SS18L1: variants seen among roughly 807,000 people sequenced by gnomAD.
The protein encoded by SS18L1 is SS18L1 subunit of BAF chromatin remodeling complex, also known as calcium-responsive transactivator.
A neutral mutation model predicts 70.3 loss-of-function variants in SS18L1; 32 were observed. The observed-to-expected ratio is 0.46, with a 90% CI of 0.34 to 0.61. The LOEUF is 0.61. Ranked by LOEUF, SS18L1 falls within the 20% of genes least tolerant of loss-of-function variation. The pLI, the probability that SS18L1 is intolerant of heterozygous loss-of-function variation, is 0.01. For missense variants in SS18L1, 430 were observed against 542.1 expected, an observed-to-expected ratio of 0.79 and a Z score of 2.05; for synonymous variants, 237 against 229.7, an observed-to-expected ratio of 1.03 and a Z score of -0.29.
rs183910759 is a variant in SS18L1, at chr20:62,154,093, C to T, written c.70-4579C>T. 4.5e-3 allele frequency among the ~76,000 whole-genome samples: 692 copies of T among 152,242 alleles called. 9 individuals carry two copies. The highest frequency in any genetic ancestry group is 2.4e-3 in the Non-Finnish European group (162 of 68,028). ...TTTGCTGCCAACGAGGACATGACGC[C>T]GTACAAAGATTGAAACGGGGGAGCT... On this transcript the variant is annotated intron_variant, in intron 1 of 10. Transcript: ENST00000331758.
chr20:62,175,038 T>C, intron 10 of SS18L1: 8 of 751,428 alleles, frequency 1.1e-5, no homozygotes, highest in Non-Finnish European at 1.3e-5. Context: ...AGGGCCAGAC[T>C]GTGCTGAGGA....
At chr20:62,162,448 C>T (rs1182183595) in intron 4 of SS18L1, 5 of 278,646 alleles carry the variant, frequency 1.8e-5, no homozygotes, top group Non-Finnish European at 2.7e-5. Context: ...ATTATAGGCA[C>T]GTGCCACCAC....
chr20:62,167,678 G>T (rs1257935070), intron 8 of SS18L1, among the ~76,000 whole-genome samples: 1 of 152,228 alleles, frequency 6.6e-6, no homozygotes, highest in African/African-American at 2.4e-5. Flanking sequence ...GCCTGGCCCT[G>T]TCCCTTCCAG....
chr20:62,176,933 G>C (rs913307400), intron 10 of SS18L1, among the ~76,000 whole-genome samples: 1 of 152,262 alleles, frequency 6.6e-6, no homozygotes, highest in African/African-American at 2.4e-5. Context: ...TGGCGCTTTG[G>C]CACAGCACTG....
intron 1 of SS18L1, among the ~76,000 whole-genome samples, chr20:62,154,821 C>T (rs528217102): frequency 1.3e-5 from 2 of 152,304 alleles, no homozygotes; most frequent in South Asian, 2.1e-4. Flanking sequence ...CTTCACTGCT[C>T]CTGTCTCTGG....
In SS18L1 at chr20:62,172,718, AGCAGGGTGCCGC is replaced by A; in HGVS notation, c.958_969del (p.Gly320_Gln323del). ...TACAGCCAGCAGCAGGCCGGGTACC[AGCAGGGTGCCGC>A]GCAGCAGCAGACGTACTCCCAGCAG... On this transcript the variant is annotated inframe_deletion, in exon 9 of 11. Transcript: ENST00000331758. The A allele has an allele frequency of 6.2e-7, 1 of 1,614,124 alleles. No individual in the cohort carries two copies. Among genetic ancestry groups the A allele is most frequent in the Non-Finnish European group, 8.5e-7 (1 of 1,180,026 alleles).
chr20:62,163,610 C>T lies in SS18L1; in HGVS notation c.709C>T (p.Pro237Ser). The T allele has an allele frequency of 6.3e-7, 1 of 1,594,522 alleles. No homozygotes were observed. The highest frequency in any genetic ancestry group is 8.5e-7 in the Non-Finnish European group (1 of 1,173,472). The change falls in exon 6 of 11, where the codon CCC becomes TCC. Residue 237 changes from proline to serine, a missense_variant. By Grantham distance (74) the Pro-to-Ser change is moderately conservative (BLOSUM62 -1). Transcript: ENST00000331758. ...GCAGCGGCCCATGGCGCCCTACCGG[C>T]CCTCCCAGCAAGGTAACGCCCGGCC... ...MGQRPMAPYR[P>S]SQQGSSQQYL...
intron 8 of SS18L1, among the ~76,000 whole-genome samples, chr20:62,172,006 C>T (rs973492967): frequency 6.6e-6 from 1 of 152,048 alleles, no homozygotes; most frequent in African/African-American, 2.4e-5. Flanking sequence ...ACTAAAAATA[C>T]AAAAAATTAG....
At chr20:62,163,434 T>C in intron 5 of SS18L1, 24 bp from the exon 6 acceptor site, 4 of 1,611,290 alleles carry the variant, frequency 2.5e-6, no homozygotes, top group Non-Finnish European at 3.4e-6. Context: ...CGGGGTGATG[T>C]GGGGCCTCTG....
chr20:62,177,513 C>G (rs6121527), intron 10 of SS18L1, among the ~76,000 whole-genome samples: 9 of 152,192 alleles, frequency 5.9e-5, no homozygotes, highest in Admixed American at 2.0e-4. Flanking sequence ...CCCTCCCCCA[C>G]TTCCTCGCTG....
At position 62,156,776 on chromosome 20, in the gene SS18L1, G is replaced by T. The variant is rs533209590; in HGVS notation, c.70-1896G>T. Among the ~76,000 whole-genome samples, 379 of 152,328 alleles carry T rather than the reference G, an allele frequency of 2.5e-3. 1 individual carries two copies. The highest frequency in any genetic ancestry group is 8.8e-3 in the African/African-American group (366 of 41,574). The stretch of plus-strand genomic sequence containing the variant: ...TGGGTGGCCCCAAGGCCCCAGGCAG[G>T]CAGGTGGGCTCCTCCTCCCCTTGCC... On this transcript the variant is annotated intron_variant, in intron 1 of 10. Coordinates refer to ENST00000331758, the MANE Select transcript of SS18L1 (RefSeq NM_198935.3).
intron 1 of SS18L1, among the ~76,000 whole-genome samples, chr20:62,149,226 A>G (rs2057085477): frequency 1.3e-5 from 2 of 152,266 alleles, no homozygotes; most frequent in Non-Finnish European, 2.9e-5. Context: ...GCGCTGATGG[A>G]CCGTAAGGCC....
chr20:62,143,948 G>T, intron 1 of SS18L1, 59 bp downstream of exon 1: 1 of 957,312 alleles, frequency 1.0e-6, no homozygotes. Context: ...CGCGCGCGGG[G>T]ACGGGGCGCG....
At chr20:62,175,346 G>A (rs1470697354) in intron 10 of SS18L1, 3 of 985,406 alleles carry the variant, frequency 3.0e-6, no homozygotes, top group Non-Finnish European at 3.6e-6. Context: ...AGCAGACATC[G>A]CTTTCCCTCT....
At chr20:62,171,238 G>A (rs971464980) in intron 8 of SS18L1, among the ~76,000 whole-genome samples, 1 of 152,084 alleles carries the variant, frequency 6.6e-6, no homozygotes, top group Non-Finnish European at 1.5e-5. Flanking sequence ...GAATAAAGTG[G>A]GCTATAAAAC....
At chr20:62,152,595 C>G (rs768974059) in intron 1 of SS18L1, among the ~76,000 whole-genome samples, 3 of 152,162 alleles carry the variant, frequency 2.0e-5, no homozygotes, top group Non-Finnish European at 4.4e-5. Context: ...GAAACAGTGT[C>G]TGCAGAAGAC....
chr20:62,166,044 G>C (rs950528538), intron 8 of SS18L1, among the ~76,000 whole-genome samples: 1 of 152,246 alleles, frequency 6.6e-6, no homozygotes, highest in African/African-American at 2.4e-5. Context: ...GCTGGGGGCT[G>C]CGTGTCGGGT....
At chr20:62,172,438 C>T (rs1200499771) in intron 8 of SS18L1, among the ~76,000 whole-genome samples, 2 of 152,170 alleles carry the variant, frequency 1.3e-5, no homozygotes, top group Non-Finnish European at 2.9e-5. Context: ...ACATTTGACC[C>T]GCGACGCTGG....
At chr20:62,145,313 G>A (rs931112679) in intron 1 of SS18L1, among the ~76,000 whole-genome samples, 4 of 48,554 alleles carry the variant, frequency 8.2e-5, no homozygotes, top group African/African-American at 2.2e-4. Flanking sequence ...TGGACACTGA[G>A]GCCTAGGGGG....
Sources: allele counts gnomAD v4.1 joint callset (sites outside exome capture counted in the v4.1 genomes callset), GRCh38; gene constraint gnomAD v4.1.1; transcripts MANE v1.5; gene names NCBI Gene and HGNC (gene_info 2026-07-23, HGNC 2026-07-21).